The following GGT5 variants were observed in gnomAD, a reference collection of about 807,000 sequenced individuals.
GGT5 encodes glutathione hydrolase 5 proenzyme.
In GGT5, 50 loss-of-function variants were observed where a neutral mutation model predicts 58.1. That is an observed-to-expected ratio of 0.86 (90% CI 0.69 to 1.09). The LOEUF is 1.09. Ranked by LOEUF, GGT5 falls within the 50% of genes least tolerant of loss-of-function variation. The pLI is 0.00. For missense variants in GGT5, 800 were observed against 789.4 expected (o/e 1.01, Z -0.16); for synonymous variants, 370 against 346.1 (o/e 1.07, Z -0.77).
intron 7 of GGT5, 26 bp from the exon 8 acceptor site, chr22:24,226,292 G>T (rs1427672106): frequency 1.9e-6 from 3 of 1,554,112 alleles, no homozygotes; most frequent in Non-Finnish European, 2.6e-6. Context: ...AGGTGGCAGG[G>T]TCAGTGAGGG....
intron 11 of GGT5, among the ~76,000 whole-genome samples, chr22:24,223,333 G>A (rs534693062): frequency 6.6e-5 from 10 of 150,642 alleles, no homozygotes; most frequent in Non-Finnish European, 1.3e-4. Context: ...CCTGGGAAGC[G>A]GAGGTTGTGG....
chr22:24,238,855 T>TTATA (rs1474982939), intron 1 of GGT5, among the ~76,000 whole-genome samples: 2 of 11,348 alleles, frequency 1.8e-4, no homozygotes, highest in Non-Finnish European at 2.7e-4. Context: ...ATTATATATA[T>TTATA]TATATATATA....
chr22:24,225,303 C>T lies in GGT5; in HGVS notation c.1445G>A (p.Gly482Glu), dbSNP rs528779081. Reference sequence around the variant, plus strand: ...AGCCCCGCCAATCACTAGCTTCGACCCCTGGGCTTTGTTGATCAAGATGGA... The same window carrying T: ...AGCCCCGCCAATCACTAGCTTCGACTCCTGGGCTTTGTTGATCAAGATGGA... ...VPSILINKAQ[G>E]SKLVIGGAGG... Residue 482 changes from glycine to glutamate, a missense_variant, in exon 10 of 12, where the codon GGG (glycine) becomes GAG (glutamate). Coordinates refer to ENST00000327365, the MANE Select transcript of GGT5 (RefSeq NM_004121.5). The T allele has an allele frequency of 2.5e-6, 4 of 1,614,114 alleles. No individual in the cohort carries two copies. Among genetic ancestry groups the T allele is most frequent in the South Asian group, 2.2e-5 (2 of 91,076 alleles).
chr22:24,240,565 A>G (rs1396272163), intron 1 of GGT5, among the ~76,000 whole-genome samples: 1 of 151,444 alleles, frequency 6.6e-6, no homozygotes, highest in Admixed American at 6.6e-5. Context: ...CTTGGCTCAC[A>G]GCAATCTCTC....
At position 24,232,321 on chromosome 22, in the gene GGT5, C is replaced by T. The variant is rs182753004; in HGVS notation, c.597-113G>A. The stretch of plus-strand genomic sequence containing the variant: ...CCCTACAGTGGGGGGCGCCCTGGCC[C>T]AGGGTCCCGAGGCACTGGGGTGGAC... On this transcript the variant is annotated intron_variant, in intron 4 of 11. Transcript: ENST00000327365. 137 of 590,000 alleles carry T rather than the reference C, an allele frequency of 2.3e-4. 4 individuals are homozygous for T. Among genetic ancestry groups the T allele is most frequent in the African/African-American group, 2.3e-3 (121 of 52,294 alleles). The allele number at this position is 590,000 out of a possible 1,614,324, so 36.5% of individuals were successfully genotyped here.
At chr22:24,229,383 G>A (rs1418710646) in intron 6 of GGT5, among the ~76,000 whole-genome samples, 1 of 151,742 alleles carries the variant, frequency 6.6e-6, no homozygotes. Flanking sequence ...TCCAGCCTTG[G>A]CGACAGAGCG....
chr22:24,233,420 G>A (rs1479448848), intron 3 of GGT5, 78 bp downstream of exon 3: 8 of 785,760 alleles, frequency 1.0e-5, no homozygotes, highest in South Asian at 7.0e-5. Flanking sequence ...TCCGTGAGGC[G>A]CTGCTCCTTT....
At chr22:24,238,304 CA>C (rs1468692495) in intron 1 of GGT5, among the ~76,000 whole-genome samples, 2 of 150,318 alleles carry the variant, frequency 1.3e-5, no homozygotes, top group African/African-American at 4.9e-5. Context: ...CCAAGGCAGG[CA>C]AATTGCTTGA....
At chr22:24,228,725 C>A (rs2047851205) in intron 6 of GGT5, among the ~76,000 whole-genome samples, 1 of 151,900 alleles carries the variant, frequency 6.6e-6, no homozygotes, top group African/African-American at 2.4e-5. Context: ...GCTGGGATTA[C>A]AGGCGTGAGC....
In GGT5 at chr22:24,225,323, G is replaced by A; in HGVS notation, c.1425C>T (p.Ile475=). ...ERSPSSMVPS[I]LINKAQGSKL... is the part of the protein sequence containing the mutation. ...TCGACCCCTGGGCTTTGTTGATCAAGATGGAGGGCACCATGGAGGATGGGG... is the reference window on the plus strand; with the variant it reads ...TCGACCCCTGGGCTTTGTTGATCAAAATGGAGGGCACCATGGAGGATGGGG... The change falls in exon 10 of 12, where the codon ATC becomes ATT. Residue 475 remains isoleucine, a synonymous_variant. Coordinates refer to ENST00000327365, the MANE Select transcript of GGT5 (RefSeq NM_004121.5). 1 of 1,614,002 alleles carries A rather than the reference G, an allele frequency of 6.2e-7. No homozygotes were observed. Among genetic ancestry groups the A allele is most frequent in the Non-Finnish European group, 8.5e-7 (1 of 1,179,934 alleles).
At chr22:24,237,059 T>A (rs1293972823) in intron 1 of GGT5, among the ~76,000 whole-genome samples, 1 of 151,158 alleles carries the variant, frequency 6.6e-6, no homozygotes, top group Non-Finnish European at 1.5e-5. Context: ...TCACCATTAC[T>A]TTTAATGGCA....
chr22:24,239,920 A>G (rs1282064281), intron 1 of GGT5, among the ~76,000 whole-genome samples: 1 of 151,806 alleles, frequency 6.6e-6, no homozygotes, highest in Non-Finnish European at 1.5e-5. Context: ...TGTCTCTACT[A>G]AAAAAGAATA....
Position 24,245,063 on chromosome 22 carries a change from G to C in GGT5, c.-338C>G. 6.3e-6 allele frequency: 2 copies of C among 317,074 alleles called. No individual in the cohort carries two copies. The highest frequency in any genetic ancestry group is 2.1e-5 in the African/African-American group (1 of 47,832). 19.6% of individuals were successfully genotyped at this position (317,074 alleles called of 1,614,324 possible). The stretch of plus-strand genomic sequence containing the variant: ...TGTGGCGAGCTGCTGCCCTCACCAA[G>C]TGCACACTACGGAGTGGCCAAACTC... On this transcript the variant is annotated 5_prime_UTR_variant, in exon 1 of 12. Transcript: ENST00000327365.
chr22:24,227,229 C>T (rs994398863), intron 6 of GGT5, among the ~76,000 whole-genome samples: 1 of 151,952 alleles, frequency 6.6e-6, no homozygotes, highest in African/African-American at 2.4e-5. Context: ...GGATTACAGG[C>T]GTAAGCCATC....
Position 24,220,010 on chromosome 22 carries a change from A to T in GGT5, c.1721T>A (p.Val574Asp). ...VSQEGACVYA[V>D]SDLRKSGEAA... ...CTCCCCACTCTTCCTCAGGTCCGAG[A>T]CGGCGTACACACAGGCCCCCTCCTG... The change falls in exon 12 of 12, where the codon GTC becomes GAC. Residue 574 changes from valine to aspartate, a missense_variant. Val to Asp is a radical substitution (Grantham distance 152). Transcript: ENST00000327365. 6.2e-7 allele frequency: 1 copy of T among 1,614,046 alleles called. No individual in the cohort carries two copies. The highest frequency in any genetic ancestry group is 8.5e-7 in the Non-Finnish European group (1 of 1,179,978).
intron 1 of GGT5, among the ~76,000 whole-genome samples, chr22:24,239,684 C>T (rs2048277204): frequency 6.6e-6 from 1 of 152,098 alleles, no homozygotes; most frequent in Non-Finnish European, 1.5e-5. Flanking sequence ...CATCTATGCA[C>T]ACACATATAT....
At position 24,228,453 on chromosome 22, in the gene GGT5, G is replaced by GT. The variant is rs61344424; in HGVS notation, c.902-1687dup. On this transcript the variant is annotated intron_variant, in intron 6 of 11. Transcript: ENST00000327365. The stretch of plus-strand genomic sequence containing the variant: ...AGCCAAGGATGATCATTTCAAAACA[G>GT]TTTTTTTTTTTTTTTGAGACAGAGT... Among the ~76,000 whole-genome samples the GT allele has an allele frequency of 1.5e-3, 209 of 136,976 alleles. 1 individual carries two copies. Among genetic ancestry groups the GT allele is most frequent in the East Asian group, 3.2e-3 (15 of 4,688 alleles). 89.9% of individuals were successfully genotyped at this position (136,976 alleles called of 152,430 possible). A position where few individuals can be genotyped will look rare whatever the true frequency, so the allele number is the denominator to read the frequency against.
At chr22:24,234,099 A>G in intron 1 of GGT5, 95 bp from the exon 2 acceptor site, 3 of 1,279,386 alleles carry the variant, frequency 2.3e-6, no homozygotes, top group Non-Finnish European at 3.2e-6. Context: ...ATGGTGACGG[A>G]GGCGGCACGT....
chr22:24,241,752 C>T (rs1228443038), intron 1 of GGT5: 1 of 150,676 alleles, frequency 6.6e-6, no homozygotes, highest in Non-Finnish European at 1.5e-5. Flanking sequence ...TTATATAAAA[C>T]ATATAATTAT....
Sources: gnomAD v4.1 joint callset for allele counts (sites outside exome capture counted in the v4.1 genomes callset) on GRCh38, gnomAD v4.1.1 for gene constraint, MANE v1.5 for transcripts, NCBI Gene and HGNC (gene_info 2026-07-23, HGNC 2026-07-21) for gene names.